HECTD4: variants seen among roughly 807,000 people sequenced by gnomAD.
HECTD4 encodes probable E3 ubiquitin-protein ligase HECTD4.
A neutral mutation model predicts 471.5 loss-of-function variants in HECTD4; 114 were observed. That is an observed-to-expected ratio of 0.24 (90% CI 0.21 to 0.28). The LOEUF is 0.28. Ranked by LOEUF, HECTD4 falls within the 10% of genes least tolerant of loss-of-function variation. The probability of loss-of-function intolerance (pLI) is 1.00; values close to 1 mark genes in which losing one functional copy is unlikely to be tolerated. For synonymous variants in HECTD4, 2,012 were observed against 2,256.0 expected, an observed-to-expected ratio of 0.89 and a Z score of 3.07; for missense variants, 3,866 against 5,651.5, an observed-to-expected ratio of 0.68 and a Z score of 10.13.
intron 1 of HECTD4, among the ~76,000 whole-genome samples, chr12:112,361,976 A>G (rs902903607): frequency 6.6e-6 from 1 of 152,214 alleles, no homozygotes; most frequent in African/African-American, 2.4e-5. Context: ...CACCAAATAG[A>G]ACTACTTGGA....
At chr12:112,170,764 T>C in intron 68 of HECTD4, 1 of 457,626 alleles carries the variant, frequency 2.2e-6, no homozygotes, top group Non-Finnish European at 3.9e-6. Context: ...TGTCTGTTTA[T>C]ATGTCAAGAG....
intron 52 of HECTD4, among the ~76,000 whole-genome samples, chr12:112,207,116 GTGTATGTATGTA>G (rs149725381): frequency 0.012 from 1,796 of 147,444 alleles, 20 homozygotes; most frequent in African/African-American, 0.036. Flanking sequence ...ATGTGTGTGT[GTGTATGTATGTA>G]TGTATGTATG....
intron 1 of HECTD4, among the ~76,000 whole-genome samples, chr12:112,353,431 C>T (rs1189760009): frequency 6.6e-6 from 1 of 152,152 alleles, no homozygotes; most frequent in Non-Finnish European, 1.5e-5. Flanking sequence ...TATAGAAGAA[C>T]ATATATTACT....
In HECTD4 at chr12:112,313,158, G is replaced by C. The variant is rs2035404548; in HGVS notation, c.786-11C>G. On this transcript the variant is annotated splice_polypyrimidine_tract_variant and intron_variant, in intron 3 of 75. Transcript: ENST00000682272. Reference sequence around the variant, plus strand: ...TCCAAAAGCAACAGCCTATATGGGGGAGAAAGAAAATCACAAAGACACTGA... The same window carrying C: ...TCCAAAAGCAACAGCCTATATGGGGCAGAAAGAAAATCACAAAGACACTGA... The C allele has an allele frequency of 6.5e-7, 1 of 1,529,820 alleles. No homozygotes were observed. The highest frequency in any genetic ancestry group is 1.2e-5 in the South Asian group (1 of 83,356). The allele number at this position is 1,529,820 out of a possible 1,614,324, so 94.8% of individuals were successfully genotyped here. A position where few individuals can be genotyped will look rare whatever the true frequency, so the allele number is the denominator to read the frequency against.
intron 1 of HECTD4, among the ~76,000 whole-genome samples, chr12:112,325,357 C>T (rs1271295214): frequency 3.3e-5 from 5 of 152,182 alleles, no homozygotes; most frequent in Non-Finnish European, 5.9e-5. Flanking sequence ...ACTATGCTTT[C>T]AGAAATCCAT....
In HECTD4 at chr12:112,228,758, T is replaced by C. The variant is rs555514194; in HGVS notation, c.6573A>G (p.Glu2191=). 5.6e-6 allele frequency: 9 copies of C among 1,613,648 alleles called. No homozygotes were observed. The Admixed American group carries it at 1.3e-4, about 24-fold the overall frequency. ...GSIGVVASIN[E]QEGIATVRFP... ...ATCTGACTGTAGCTATACCTTCCTGTTCATTGATAGAAGCCACTACTCCAA... is the reference window on the plus strand; with the variant it reads ...ATCTGACTGTAGCTATACCTTCCTGCTCATTGATAGAAGCCACTACTCCAA... Residue 2191 remains glutamate (E), a synonymous_variant, in exon 42 of 76, where the codon GAA becomes GAG. Coordinates refer to ENST00000682272, the MANE Select transcript of HECTD4 (RefSeq NM_001388303.1). This position sits in a 1 kb window ranked among gnomAD's most constrained non-coding sequence, Gnocchi z 4.9.
At chr12:112,351,305 C>A (rs940640973) in intron 1 of HECTD4, among the ~76,000 whole-genome samples, 5 of 152,168 alleles carry the variant, frequency 3.3e-5, no homozygotes. Flanking sequence ...CTCATGATCG[C>A]GTCAGAAGTG....
Position 112,302,255 on chromosome 12 carries a change from C to T in HECTD4, c.1335+3809G>A, listed in dbSNP as rs2035180452. 6.9e-5 allele frequency: 83 copies of T among 1,207,074 alleles called. 3 individuals carry two copies. In the South Asian group the frequency reaches 1.1e-3, roughly 15 times the overall value. 74.8% of individuals were successfully genotyped at this position (1,207,074 alleles called of 1,614,324 possible). A position where few individuals can be genotyped will look rare whatever the true frequency, so the allele number is the denominator to read the frequency against. Reference sequence around the variant, plus strand: ...CACCAAGGTGGTGATGGTGTTAACTCCTGCTCGAAGGGCAGGTGGTCTCTT... The same window carrying T: ...CACCAAGGTGGTGATGGTGTTAACTTCTGCTCGAAGGGCAGGTGGTCTCTT... On this transcript the variant is annotated intron_variant, in intron 7 of 75. Coordinates refer to ENST00000682272, the MANE Select transcript of HECTD4 (RefSeq NM_001388303.1).
chr12:112,382,404 A>T lies in HECTD4; in HGVS notation c.-276T>A, dbSNP rs1292092883. On this transcript the variant is annotated 5_prime_UTR_variant, in exon 1 of 76. The change abolishes the stop of an existing upstream ORF in the 5' untranslated region. Transcript: ENST00000682272. The stretch of plus-strand genomic sequence containing the variant: ...CTCTGCCGCTCGGCAACCAACTGTC[A>T]GTGAGACGCCATGTTGGGGGCGGGG... The T allele has an allele frequency of 6.4e-6, 2 of 312,380 alleles. No individual in the cohort carries two copies. The highest frequency in any genetic ancestry group is 1.1e-5 in the Non-Finnish European group (2 of 175,968). 19.4% of individuals were successfully genotyped at this position (312,380 alleles called of 1,614,324 possible). A position where few individuals can be genotyped will look rare whatever the true frequency, so the allele number is the denominator to read the frequency against.
rs150125929 is a variant in HECTD4 at position 112,212,788 on chromosome 12, G to GTTAT, written c.7466-142_7466-139dup. 0.033 allele frequency: 20,408 copies of GTTAT among 610,476 alleles called. 3,673 individuals are homozygous for GTTAT. The East Asian group carries it at 0.52, about 16-fold the overall frequency. 37.8% of individuals were successfully genotyped at this position (610,476 alleles called of 1,614,324 possible). On this transcript the variant is annotated intron_variant, in intron 48 of 75. Transcript: ENST00000682272. Reference sequence around the variant, plus strand: ...CTTCTGAAATGGACATGAAGTTATTGTTATTTATTTATTTATTTATTTATT... The same window carrying GTTAT: ...CTTCTGAAATGGACATGAAGTTATTGTTATTTATTTATTTATTTATTTATTTATT...
chr12:112,336,525 A>C (rs1398118057), intron 1 of HECTD4, among the ~76,000 whole-genome samples: 1 of 151,962 alleles, frequency 6.6e-6, no homozygotes, highest in Non-Finnish European at 1.5e-5. Flanking sequence ...TCCGTCTCAA[A>C]AAAAAAAAAA....
chr12:112,381,766 G>A lies in HECTD4; in HGVS notation c.177+186C>T, dbSNP rs894844668. ...GCCAGGCCCCGAGGAGGGAGGGAGG[G>A]AGAGCGGGGCGGGCGGTCCGCAGAC... On this transcript the variant is annotated intron_variant, in intron 1 of 75. Transcript: ENST00000682272. The surrounding 1 kb of genome is among the most constrained non-coding windows in gnomAD (Gnocchi z 4.1). Among the ~76,000 whole-genome samples the A allele has an allele frequency of 2.0e-5, 3 of 151,898 alleles. No individual in the cohort carries two copies. The highest frequency in any genetic ancestry group is 7.2e-5 in the African/African-American group (3 of 41,414).
rs1400714419 is a variant in HECTD4 at position 112,262,530 on chromosome 12, A to AAG, written c.2749-1102_2749-1101insCT. On this transcript the variant is annotated intron_variant, in intron 17 of 75. Transcript: ENST00000682272. The stretch of plus-strand genomic sequence containing the variant: ...GACTCCATCTCAAAAAAAAAAAAAA[A>AAG]AAAAAAAAAAAAGAATCTACTAAGG... 2.5e-3 allele frequency among the ~76,000 whole-genome samples: 377 copies of AAG among 150,066 alleles called. 5 individuals are homozygous for AAG. Among genetic ancestry groups the AAG allele is most frequent in the Non-Finnish European group, 4.4e-3 (294 of 67,374 alleles).
intron 1 of HECTD4, among the ~76,000 whole-genome samples, chr12:112,362,181 T>C (rs1320020613): frequency 6.6e-6 from 1 of 152,250 alleles, no homozygotes; most frequent in African/African-American, 2.4e-5. Context: ...ACTGTGCTTA[T>C]GTACACAACT....
chr12:112,264,313 G>C lies in HECTD4; in HGVS notation c.2620-101C>G, dbSNP rs573022546. ...AAGATTTTGACAAAGAAAACAAAAAGAGAAATAAAAAAAACAGACCAAGTT... is the reference window on the plus strand; with the variant it reads ...AAGATTTTGACAAAGAAAACAAAAACAGAAATAAAAAAAACAGACCAAGTT... On this transcript the variant is annotated intron_variant, in intron 16 of 75. Transcript: ENST00000682272. 4.3e-6 allele frequency: 5 copies of C among 1,175,194 alleles called. No homozygotes were observed. In the South Asian group the frequency reaches 7.4e-5, roughly 18 times the overall value. 72.8% of individuals were successfully genotyped at this position (1,175,194 alleles called of 1,614,324 possible).
At chr12:112,286,747 GCAGTGGTTTTCCAA>G (rs1166153101) in intron 7 of HECTD4, among the ~76,000 whole-genome samples, 1 of 152,118 alleles carries the variant, frequency 6.6e-6, no homozygotes, top group African/African-American at 2.4e-5. Flanking sequence ...TTAAAACCCT[GCAGTGGTTTTCCAA>G]CACACTTATG....
rs190858072 is a variant in HECTD4 at position 112,175,621 on chromosome 12, T to C, written c.11594+115A>G. ...AGGAAAAAACTCAGAAATTACGAAA[T>C]AACTCAGAAAGCATTATCAACAGGG... On this transcript the variant is annotated intron_variant, in intron 66 of 75. Coordinates refer to ENST00000682272, the MANE Select transcript of HECTD4 (RefSeq NM_001388303.1). 5.9e-5 allele frequency: 75 copies of C among 1,260,766 alleles called. 2 individuals carry two copies. Among genetic ancestry groups the C allele is most frequent in the Non-Finnish European group, 2.2e-6 (2 of 912,226 alleles). The allele number at this position is 1,260,766 out of a possible 1,614,324, so 78.1% of individuals were successfully genotyped here.
rs577856313 is a variant in HECTD4 at position 112,301,403 on chromosome 12, C to T, written c.1335+4661G>A. On this transcript the variant is annotated intron_variant, in intron 7 of 75. Coordinates refer to ENST00000682272, the MANE Select transcript of HECTD4 (RefSeq NM_001388303.1). ...TTCACCACGTTGGCCAGGCTGGTCT[C>T]GAACTGCTGACCTCATGATCTGCCC... 1.1e-4 allele frequency among the ~76,000 whole-genome samples: 16 copies of T among 152,156 alleles called. No individual in the cohort carries two copies. The South Asian group carries it at 3.3e-3, about 32-fold the overall frequency.
intron 29 of HECTD4, among the ~76,000 whole-genome samples, chr12:112,246,459 C>A (rs1411738386): frequency 6.6e-6 from 1 of 152,046 alleles, no homozygotes; most frequent in Non-Finnish European, 1.5e-5. Context: ...CATAGTGAAA[C>A]CCCGTCTCTA....
Sources: allele counts gnomAD v4.1 joint callset (sites outside exome capture counted in the v4.1 genomes callset), GRCh38; gene constraint gnomAD v4.1.1; non-coding constraint Gnocchi (gnomAD v3.1); transcripts MANE v1.5; gene names NCBI Gene and HGNC (gene_info 2026-07-23, HGNC 2026-07-21).